The following RBFA variants were observed in gnomAD, a reference collection of about 807,000 sequenced individuals.
The protein encoded by RBFA is ribosome binding factor A.
A neutral mutation model predicts 27.9 loss-of-function variants in RBFA; 16 were observed. The ratio of observed to expected loss-of-function variants is 0.57; its 90% CI spans 0.39 to 0.87. The LOEUF is 0.87. RBFA is among the 40% of genes least tolerant of loss of function. RBFA has a pLI of 0.00. For missense variants in RBFA, 456 were observed against 432.1 expected, an observed-to-expected ratio of 1.06 and a Z score of -0.49; for synonymous variants, 181 against 181.0, an observed-to-expected ratio of 1.00 and a Z score of 0.00.
chr18:80,040,063 C>T (rs982461745), intron 4 of RBFA, among the ~76,000 whole-genome samples: 1 of 152,090 alleles, frequency 6.6e-6, no homozygotes, highest in African/African-American at 2.4e-5. Context: ...ACGCCCGCCA[C>T]CATGCCCAGC....
rs2052075350 is a variant in RBFA at position 80,048,878 on chromosome 18, G to C, written c.*2723G>C. On this transcript the variant is annotated 3_prime_UTR_variant, in exon 7 of 7. Transcript: ENST00000306735. ...GGCATGTTTGCAGGGGATCCAACCA[G>C]GCGTCGGCTCAGTGCCTCCTAGAAA... Among the ~76,000 whole-genome samples, 1 of 149,176 alleles carries C rather than the reference G, an allele frequency of 6.7e-6. No individual in the cohort carries two copies. Among genetic ancestry groups the C allele is most frequent in the African/African-American group, 2.5e-5 (1 of 39,412 alleles).
At chr18:80,039,384 A>G (rs1234749251) in intron 4 of RBFA, among the ~76,000 whole-genome samples, 1 of 152,216 alleles carries the variant, frequency 6.6e-6, no homozygotes, top group African/African-American at 2.4e-5. Flanking sequence ...AATTGTATTA[A>G]ATCTTGACCC....
intron 4 of RBFA, 23 bp from the exon 5 acceptor site, chr18:80,042,112 G>GGTC (rs1405100850): frequency 6.4e-7 from 1 of 1,559,674 alleles, no homozygotes; most frequent in African/African-American, 1.4e-5. Flanking sequence ...CAGCTGTGAG[G>GGTC]GTCTGTGCGT....
chr18:80,045,765 C>T lies in RBFA; in HGVS notation c.651-9C>T. Reference sequence around the variant, plus strand: ...TGTGCTTGGTGTGAAGCCTCTTCTTCCTTCCCAGGGACCCTGATGCCCCAC... The same window carrying T: ...TGTGCTTGGTGTGAAGCCTCTTCTTTCTTCCCAGGGACCCTGATGCCCCAC... On this transcript the variant is annotated splice_polypyrimidine_tract_variant and intron_variant, in intron 6 of 6. Coordinates refer to ENST00000306735, the MANE Select transcript of RBFA (RefSeq NM_024805.3). 1 of 1,510,906 alleles carries T rather than the reference C, an allele frequency of 6.6e-7. No homozygotes were observed. Among genetic ancestry groups the T allele is most frequent in the South Asian group, 1.4e-5 (1 of 73,250 alleles). 93.6% of individuals were successfully genotyped at this position (1,510,906 alleles called of 1,614,324 possible).
At chr18:80,042,702 C>T (rs1353504936) in intron 5 of RBFA, among the ~76,000 whole-genome samples, 2 of 150,904 alleles carry the variant, frequency 1.3e-5, no homozygotes, top group Non-Finnish European at 2.9e-5. Context: ...ACCGGGAAGG[C>T]GGAGGTTGCA....
Position 80,050,018 on chromosome 18 carries a change from TGA to T in RBFA, c.*3866_*3867del. Among the ~76,000 whole-genome samples the T allele has an allele frequency of 6.6e-6, 1 of 152,268 alleles. No individual in the cohort carries two copies. The highest frequency in any genetic ancestry group is 1.5e-5 in the Non-Finnish European group (1 of 68,054). On this transcript the variant is annotated 3_prime_UTR_variant, in exon 7 of 7. Transcript: ENST00000306735. ...CAGAATCTTTTCCTCTCTAAGGGCC[TGA>T]GACCCTCTCTTAGGAATAGAAGTAC...
intron 2 of RBFA, among the ~76,000 whole-genome samples, chr18:80,037,096 C>G (rs2051984442): frequency 1.3e-5 from 2 of 152,150 alleles, no homozygotes; most frequent in South Asian, 4.1e-4. Context: ...TCAACAAAAA[C>G]TTTTTTTGAG....
At chr18:80,044,628 G>T (rs552444541) in intron 6 of RBFA, among the ~76,000 whole-genome samples, 1 of 152,248 alleles carries the variant, frequency 6.6e-6, no homozygotes, top group Non-Finnish European at 1.5e-5. Flanking sequence ...TGGAACCTGC[G>T]TTTCATTAGG....
chr18:80,042,767 CAAA>C (rs942182240), intron 5 of RBFA, among the ~76,000 whole-genome samples: 1 of 124,666 alleles, frequency 8.0e-6, no homozygotes. Flanking sequence ...GACTCCGTGT[CAAA>C]AAAAAAAAAG....
In RBFA at chr18:80,034,434, A is replaced by T. The variant is rs1490275075; in HGVS notation, c.-62A>T. 8.7e-6 allele frequency: 12 copies of T among 1,386,124 alleles called. No homozygotes were observed. In the Middle Eastern group the frequency reaches 7.5e-4, roughly 87 times the overall value. 85.9% of individuals were successfully genotyped at this position (1,386,124 alleles called of 1,614,324 possible). ...GCCCACACGCCGCCACCCTCGCGTC[A>T]GTTGTCGCTCCGCGCCTGCGCCCGT... On this transcript the variant is annotated 5_prime_UTR_variant, in exon 1 of 7. Coordinates refer to ENST00000306735, the MANE Select transcript of RBFA (RefSeq NM_024805.3).
In RBFA at chr18:80,047,953, C is replaced by T. The variant is rs547244758; in HGVS notation, c.*1798C>T. 6.6e-5 allele frequency among the ~76,000 whole-genome samples: 10 copies of T among 152,348 alleles called. No individual in the cohort carries two copies. In the South Asian group the frequency reaches 2.1e-3, roughly 32 times the overall value. On this transcript the variant is annotated 3_prime_UTR_variant, in exon 7 of 7. Transcript: ENST00000306735. ...GCCTCTTATTCTTCTAGGGGACCAT[C>T]ATGGGCTGAGGTCAGGCCAAGGCCT...
intron 4 of RBFA, 22 bp from the exon 5 acceptor site, chr18:80,042,113 G>T: frequency 5.8e-6 from 9 of 1,562,872 alleles, no homozygotes; most frequent in South Asian, 3.4e-5. Flanking sequence ...AGCTGTGAGG[G>T]TCTGTGCGTT....
At chr18:80,045,747 G>C (rs752151321) in intron 6 of RBFA, 27 bp from the exon 7 acceptor site, 1 of 1,506,904 alleles carries the variant, frequency 6.6e-7, no homozygotes, top group East Asian at 2.3e-5. Flanking sequence ...GTTTGTGCTT[G>C]GTGTGAAGCC....
At chr18:80,036,817 G>A (rs1172687985) in intron 2 of RBFA, 107 bp downstream of exon 2, 2 of 718,172 alleles carry the variant, frequency 2.8e-6, no homozygotes, top group African/African-American at 3.6e-5. Flanking sequence ...GGAGGGGATA[G>A]TGTCTATGTG....
At chr18:80,044,066 A>G in intron 5 of RBFA, 146 bp from the exon 6 acceptor site, 3 of 730,808 alleles carry the variant, frequency 4.1e-6, no homozygotes, top group Non-Finnish European at 7.6e-6. Context: ...AACAGGTCCT[A>G]GTATTTGGGA....
intron 4 of RBFA, chr18:80,041,851 C>T (rs1417089199): frequency 2.4e-5 from 4 of 169,246 alleles, no homozygotes; most frequent in Non-Finnish European, 3.8e-5. Context: ...CTCAGCCTCC[C>T]GAGTAGCTGG....
rs988966691 is a variant in RBFA, at chr18:80,047,498, A to G, written c.*1343A>G. ...TTCTTTTCATTTGTGCTCTGGGACT[A>G]AGCTGTGTATAAGTCATCAAATGGC... On this transcript the variant is annotated 3_prime_UTR_variant, in exon 7 of 7. Coordinates refer to ENST00000306735, the MANE Select transcript of RBFA (RefSeq NM_024805.3). 6.6e-6 allele frequency: 1 copy of G among 152,328 alleles called. No individual in the cohort carries two copies. The highest frequency in any genetic ancestry group is 6.5e-5 in the Admixed American group (1 of 15,284). 9.4% of individuals were successfully genotyped at this position (152,328 alleles called of 1,614,324 possible).
rs762294127 is a variant in RBFA at position 80,038,630 on chromosome 18, G to C, written c.491+13G>C. The C allele has an allele frequency of 6.3e-7, 1 of 1,585,746 alleles. No individual in the cohort carries two copies. The highest frequency in any genetic ancestry group is 1.7e-5 in the Admixed American group (1 of 57,520). On this transcript the variant is annotated intron_variant, in intron 4 of 6. Coordinates refer to ENST00000306735, the MANE Select transcript of RBFA (RefSeq NM_024805.3). ...CCGCGCACATGAGGTGATGACCTTT[G>C]CTTTCTGAATGTACTTGCTTTTTGC...
In RBFA at chr18:80,034,629, T is replaced by C; in HGVS notation, c.134T>C (p.Leu45Pro). The C allele has an allele frequency of 6.2e-7, 1 of 1,608,364 alleles. No individual in the cohort carries two copies. The highest frequency in any genetic ancestry group is 8.5e-7 in the Non-Finnish European group (1 of 1,178,580). ...TCTGCTGTCTCCTGCAAGAACTGGC[T>C]CAAGAAATTTGCCTCGAAAACCAAG... Reference protein sequence around the residue: ...HCSAVSCKNWLKKFASKTKKK... With the variant: ...HCSAVSCKNWPKKFASKTKKK... The change falls in exon 1 of 7, where the codon CTC becomes CCC. Residue 45 changes from leucine (L) to proline (P), a missense_variant. Transcript: ENST00000306735.
Sources: allele counts gnomAD v4.1 joint callset (sites outside exome capture counted in the v4.1 genomes callset), GRCh38; gene constraint gnomAD v4.1.1; transcripts MANE v1.5; gene names NCBI Gene and HGNC (gene_info 2026-07-23, HGNC 2026-07-21).